The following MYLK variants were observed in gnomAD, a reference collection of about 807,000 sequenced individuals.
MYLK encodes myosin light chain kinase, also known as myosin light chain kinase, smooth muscle.
In MYLK, 106 loss-of-function variants were observed where a neutral mutation model predicts 203.4. That is an observed-to-expected ratio of 0.52 (90% CI 0.45 to 0.61). MYLK has a LOEUF of 0.61. Ranked by LOEUF, MYLK falls within the 20% of genes least tolerant of loss-of-function variation. The pLI, the probability that MYLK is intolerant of heterozygous loss-of-function variation, is 0.00. For missense variants in MYLK, 2,072 were observed against 2,442.3 expected (o/e 0.85, Z 3.20); for synonymous variants, 867 against 959.5 (o/e 0.90, Z 1.78).
chr3:123,666,749 A>C (rs2059747280), intron 21 of MYLK, among the ~76,000 whole-genome samples: 1 of 152,234 alleles, frequency 6.6e-6, no homozygotes, highest in South Asian at 2.1e-4. Context: ...GAAAACAGAC[A>C]AGGGTTCCAT....
chr3:123,816,763 C>T (rs1390424285), intron 3 of MYLK, among the ~76,000 whole-genome samples: 1 of 152,192 alleles, frequency 6.6e-6, no homozygotes, highest in East Asian at 1.9e-4. Flanking sequence ...AACAGCCAGG[C>T]TGAGTTGGGG....
intron 27 of MYLK, among the ~76,000 whole-genome samples, chr3:123,644,930 T>A (rs1038742448): frequency 6.6e-6 from 1 of 152,212 alleles, no homozygotes; most frequent in African/African-American, 2.4e-5. Context: ...ATCCAAGTAC[T>A]TCTTCGTGCT....
At chr3:123,814,221 AC>A (rs1560251725) in intron 3 of MYLK, 1 of 238,440 alleles carries the variant, frequency 4.2e-6, no homozygotes, top group Non-Finnish European at 8.6e-6. Flanking sequence ...CTCTAGAAAA[AC>A]AAAAGACAAA....
rs750251391 is a variant in MYLK, at chr3:123,733,009, C to T, written c.1403G>A (p.Gly468Asp). Residue 468 changes from glycine (G) to aspartate (D), a missense_variant, in exon 11 of 34, where the codon GGC becomes GAC. Gly to Asp is a moderately conservative substitution (Grantham distance 94). Around this residue, in one of 3 missense-constraint regions of MYLK, gnomAD observed 683 missense variants for 643.8 expected, o/e 1.06. Transcript: ENST00000360304. ...TTTCAGCAGGCAGAGGTAATGGGAGCCAGCATCTTCATAAACCTCAATGCT... is the reference window on the plus strand; with the variant it reads ...TTTCAGCAGGCAGAGGTAATGGGAGTCAGCATCTTCATAAACCTCAATGCT... ...EGSIEVYEDA[G>D]SHYLCLLKAR... 5.0e-6 allele frequency: 8 copies of T among 1,614,052 alleles called. No individual in the cohort carries two copies. Among genetic ancestry groups the T allele is most frequent in the Admixed American group, 1.7e-5 (1 of 60,004 alleles).
intron 3 of MYLK, among the ~76,000 whole-genome samples, chr3:123,817,583 G>T (rs1304138651): frequency 6.6e-6 from 1 of 152,120 alleles, no homozygotes; most frequent in Non-Finnish European, 1.5e-5. Context: ...TTAAAGCTTG[G>T]GCTACTTGAC....
At chr3:123,789,126 C>A (rs533913502) in intron 4 of MYLK, among the ~76,000 whole-genome samples, 5 of 152,272 alleles carry the variant, frequency 3.3e-5, no homozygotes, top group African/African-American at 9.6e-5. Flanking sequence ...CCCTGGCATT[C>A]GTGGAGCCCT....
rs1030234829 is a variant in MYLK at position 123,831,368 on chromosome 3, T to C, written c.-4+180A>G. 12 of 1,288,834 alleles carry C rather than the reference T, an allele frequency of 9.3e-6. No homozygotes were observed. In the African/African-American group the frequency reaches 1.7e-4, roughly 18 times the overall value. 79.8% of individuals were successfully genotyped at this position (1,288,834 alleles called of 1,614,324 possible). Reference sequence around the variant, plus strand: ...CAGCTAAGCCAAAATCAACAGACAATGCTACAGCATACTGCCTTCACTCTT... The same window carrying C: ...CAGCTAAGCCAAAATCAACAGACAACGCTACAGCATACTGCCTTCACTCTT... On this transcript the variant is annotated intron_variant, in intron 3 of 33. Coordinates refer to ENST00000360304, the MANE Select transcript of MYLK (RefSeq NM_053025.4).
intron 19 of MYLK, among the ~76,000 whole-genome samples, chr3:123,690,376 C>T (rs1292882668): frequency 1.3e-5 from 2 of 152,224 alleles, no homozygotes; most frequent in South Asian, 4.1e-4. Flanking sequence ...CAGAAAGATG[C>T]TCCAACCCAC....
At chr3:123,752,152 C>T (rs1005078873) in intron 5 of MYLK, among the ~76,000 whole-genome samples, 179 bp downstream of exon 5, 6 of 152,100 alleles carry the variant, frequency 3.9e-5, no homozygotes, top group African/African-American at 1.2e-4. Flanking sequence ...CTGGATGCCT[C>T]CCTTGTTCGC....
chr3:123,819,782 GCCT>G (rs777422601), intron 3 of MYLK, among the ~76,000 whole-genome samples: 27 of 132,042 alleles, frequency 2.0e-4, no homozygotes, highest in Admixed American at 5.2e-4. Context: ...ATATTTCTAA[GCCT>G]CCTTTTTTTT....
chr3:123,785,338 A>G (rs930941581), intron 4 of MYLK, among the ~76,000 whole-genome samples: 1 of 152,112 alleles, frequency 6.6e-6, no homozygotes, highest in African/African-American at 2.4e-5. Context: ...ACTATGGTAA[A>G]TTTTCAGTAA....
intron 22 of MYLK, among the ~76,000 whole-genome samples, chr3:123,665,767 T>C (rs2059714016): frequency 6.6e-6 from 1 of 152,240 alleles, no homozygotes; most frequent in African/African-American, 2.4e-5. Context: ...AATTCTTCTA[T>C]CCAAATACTC....
chr3:123,691,536 A>T (rs980417263), intron 19 of MYLK: 1 of 152,230 alleles, frequency 6.6e-6, no homozygotes, highest in African/African-American at 2.4e-5. Flanking sequence ...TATAAAAAAG[A>T]CTTTCTTTTC....
chr3:123,667,775 C>T (rs1289883331), intron 20 of MYLK, among the ~76,000 whole-genome samples: 15 of 152,178 alleles, frequency 9.9e-5, no homozygotes, highest in Admixed American at 9.8e-4. Flanking sequence ...CTCGTGCTCC[C>T]ATAGCCCTTT....
intron 2 of MYLK, among the ~76,000 whole-genome samples, chr3:123,873,384 C>T (rs1039821337): frequency 2.0e-5 from 3 of 152,022 alleles, no homozygotes; most frequent in African/African-American, 7.2e-5. Flanking sequence ...AGATTGGAAA[C>T]AAGGCAATGA....
chr3:123,709,550 A>T, intron 14 of MYLK: 1 of 670,558 alleles, frequency 1.5e-6, no homozygotes, highest in Non-Finnish European at 2.6e-6. Flanking sequence ...CTTCCTCTGG[A>T]CCATTTAATC....
intron 3 of MYLK, among the ~76,000 whole-genome samples, chr3:123,818,519 A>T (rs562207726): frequency 6.6e-6 from 1 of 151,834 alleles, no homozygotes; most frequent in Non-Finnish European, 1.5e-5. Flanking sequence ...GCAAACCACA[A>T]CTCTACAAAA....
chr3:123,643,595 T>G (rs888257102), intron 27 of MYLK, among the ~76,000 whole-genome samples: 3 of 152,138 alleles, frequency 2.0e-5, no homozygotes, highest in African/African-American at 7.2e-5. Context: ...ATGCTATGGG[T>G]GGAAAATATT....
At chr3:123,704,403 G>A (rs984349743) in intron 16 of MYLK, among the ~76,000 whole-genome samples, 3 of 152,176 alleles carry the variant, frequency 2.0e-5, no homozygotes, top group Non-Finnish European at 4.4e-5. Flanking sequence ...AATCAGGGCC[G>A]GGGCTGAAGA....
Sources: gnomAD v4.1 joint callset for allele counts (sites outside exome capture counted in the v4.1 genomes callset) on GRCh38, gnomAD v4.1.1 for gene constraint, gnomAD v4.1.1 regional missense constraint, MANE v1.5 for transcripts, NCBI Gene and HGNC (gene_info 2026-07-23, HGNC 2026-07-21) for gene names.